MGA: variants seen among roughly 807,000 people sequenced by gnomAD.
The protein encoded by MGA is MAX dimerization protein MGA, also known as MAX gene-associated protein.
Under a neutral mutation model 261.1 loss-of-function variants are expected in MGA, and 40 were observed. That is an observed-to-expected ratio of 0.15 (90% CI 0.12 to 0.20). MGA has a LOEUF of 0.20. Ranked by LOEUF, MGA falls within the 10% of genes least tolerant of loss-of-function variation. MGA has a pLI of 1.00. For synonymous variants in MGA, 1,302 were observed against 1,290.6 expected, an observed-to-expected ratio of 1.01 and a Z score of -0.19; for missense variants, 3,397 against 3,630.5, an observed-to-expected ratio of 0.94 and a Z score of 1.65.
At chr15:41,753,764 T>TA (rs1339804869) in intron 17 of MGA, among the ~76,000 whole-genome samples, 1 of 152,174 alleles carries the variant, frequency 6.6e-6, no homozygotes, top group African/African-American at 2.4e-5. Context: ...CTTTCTATAT[T>TA]TCTTTCACCA....
intron 2 of MGA, among the ~76,000 whole-genome samples, chr15:41,686,878 A>G (rs1452964339): frequency 3.3e-5 from 5 of 152,064 alleles, no homozygotes; most frequent in Non-Finnish European, 7.4e-5. Flanking sequence ...TCAATTTGCT[A>G]ATATTTTATT....
intron 15 of MGA, 45 bp downstream of exon 15, chr15:41,743,217 A>G: frequency 2.0e-6 from 3 of 1,524,560 alleles, no homozygotes; most frequent in Non-Finnish European, 2.7e-6. Flanking sequence ...CTGTACACCT[A>G]TTTATATAAC....
At chr15:41,709,100 A>G (rs572364929) in intron 7 of MGA, among the ~76,000 whole-genome samples, 1 of 152,102 alleles carries the variant, frequency 6.6e-6, no homozygotes, top group Non-Finnish European at 1.5e-5. Flanking sequence ...ATCTACCAGC[A>G]CTTTGGGAGG....
chr15:41,746,055 T>A (rs1362016025), intron 15 of MGA, among the ~76,000 whole-genome samples: 1 of 152,214 alleles, frequency 6.6e-6, no homozygotes, highest in Non-Finnish European at 1.5e-5. Flanking sequence ...GCTTTTAAAA[T>A]TTGATTTTTC....
upstream of MGA, among the ~76,000 whole-genome samples, chr15:41,656,377 T>TCTGTCTCTCTCTCTCTCTCACA (rs1555403733): frequency 1.5e-5 from 1 of 68,276 alleles, no homozygotes; most frequent in Non-Finnish European, 3.5e-5. Flanking sequence ...TCTCTCTCTC[T>TCTGTCTCTCTCTCTCTCTCACA]CACACCCAGG....
At chr15:41,764,011 T>C (rs2063649197) in intron 22 of MGA, among the ~76,000 whole-genome samples, 1 of 151,478 alleles carries the variant, frequency 6.6e-6, no homozygotes, top group African/African-American at 2.4e-5. Context: ...ATACCAAAAT[T>C]AGCCGGATGT....
At chr15:41,681,760 T>C (rs1400952571) in intron 2 of MGA, among the ~76,000 whole-genome samples, 1 of 152,128 alleles carries the variant, frequency 6.6e-6, no homozygotes, top group Non-Finnish European at 1.5e-5. Context: ...AAATAATCCA[T>C]TTTTTTATGT....
chr15:41,718,015 A>C (rs1308120362), intron 9 of MGA, among the ~76,000 whole-genome samples: 2 of 133,550 alleles, frequency 1.5e-5, no homozygotes, highest in Non-Finnish European at 3.3e-5. Context: ...ACCCTGTCTC[A>C]AAAAAAAAAA....
At chr15:41,650,533 G>C (rs1366505576) in intron 1 of MGA, among the ~76,000 whole-genome samples, 1 of 152,084 alleles carries the variant, frequency 6.6e-6, no homozygotes, top group East Asian at 1.9e-4. Flanking sequence ...CACCTCCCTG[G>C]TTCAAGCAAT....
At chr15:41,647,017 T>C (rs1027129624) in intron 1 of MGA, among the ~76,000 whole-genome samples, 4 of 152,226 alleles carry the variant, frequency 2.6e-5, no homozygotes, top group African/African-American at 9.6e-5. Context: ...GTTATTTCCA[T>C]TGGATAAGCT....
At chr15:41,698,710 T>C (rs759883033) in intron 3 of MGA, among the ~76,000 whole-genome samples, 153 bp from the exon 4 acceptor site, 1 of 152,162 alleles carries the variant, frequency 6.6e-6, no homozygotes, top group Non-Finnish European at 1.5e-5. Flanking sequence ...TATCAAAAAG[T>C]ATGAAAAAAT....
intron 13 of MGA, 51 bp from the exon 14 acceptor site, chr15:41,739,855 T>G: frequency 1.3e-6 from 2 of 1,562,340 alleles, no homozygotes; most frequent in East Asian, 2.3e-5. Flanking sequence ...GGGAGAGGAG[T>G]TAGCAAGAGA....
chr15:41,736,957 T>C (rs1418950840), intron 13 of MGA, among the ~76,000 whole-genome samples: 1 of 152,178 alleles, frequency 6.6e-6, no homozygotes, highest in East Asian at 1.9e-4. Flanking sequence ...AAGTTGCTCT[T>C]CATAAACTTT....
chr15:41,711,695 CTTTTATT>C (rs1268648183), intron 8 of MGA, among the ~76,000 whole-genome samples: 1 of 152,010 alleles, frequency 6.6e-6, no homozygotes, highest in Admixed American at 6.6e-5. Flanking sequence ...GAAAATTGTG[CTTTTATT>C]TTTTATTTTT....
At chr15:41,638,714 A>T in intron 1 of MGA, among the ~76,000 whole-genome samples, 1 of 125,418 alleles carries the variant, frequency 8.0e-6, no homozygotes. Context: ...TTTTTGAGAC[A>T]GGGTCTTTCT....
chr15:41,728,755 G>A (rs1044853027), intron 10 of MGA, among the ~76,000 whole-genome samples: 49 of 152,104 alleles, frequency 3.2e-4, no homozygotes, highest in African/African-American at 1.1e-3. Context: ...GGGTCAGCTG[G>A]ATAGAAAATA....
At position 41,710,846 on chromosome 15, in the gene MGA, A is replaced by T; in HGVS notation, c.2581A>T (p.Ser861Cys). 2 of 1,614,002 alleles carry T rather than the reference A, an allele frequency of 1.2e-6. No individual in the cohort carries two copies. Among genetic ancestry groups the T allele is most frequent in the Non-Finnish European group, 1.7e-6 (2 of 1,179,888 alleles). The change falls in exon 8 of 24, where the codon AGT becomes TGT. Residue 861 changes from serine to cysteine, a missense_variant. Physicochemically the swap from Ser to Cys is moderately radical, Grantham distance 112. Around this residue, in one of 9 missense-constraint regions of MGA, gnomAD observed 519 missense variants for 554.1 expected, o/e 0.94. Coordinates refer to ENST00000219905, the MANE Select transcript of MGA (RefSeq NM_001164273.2). ...TGTGGTGTACCAGCTTCCCACTAAG[A>T]GTACCAGTTATGTACGAACACTTGA...
Position 41,712,841 on chromosome 15 carries a change from T to C in MGA, c.3085-310T>C, listed in dbSNP as rs79533706. On this transcript the variant is annotated intron_variant, in intron 8 of 23. Coordinates refer to ENST00000219905, the MANE Select transcript of MGA (RefSeq NM_001164273.2). Reference sequence around the variant, plus strand: ...GCCTGGTTGCGTTCCAGTGAAACTTTATGACACAGGCTGGATTTGGCCCAT... The same window carrying C: ...GCCTGGTTGCGTTCCAGTGAAACTTCATGACACAGGCTGGATTTGGCCCAT... Among the ~76,000 whole-genome samples the C allele has an allele frequency of 6.5e-3, 990 of 152,336 alleles. 4 individuals are homozygous for C. Among genetic ancestry groups the C allele is most frequent in the Middle Eastern group, 0.044 (13 of 294 alleles).
chr15:41,754,591 T>C, intron 18 of MGA, 24 bp downstream of exon 18: 1 of 1,527,030 alleles, frequency 6.5e-7, no homozygotes, highest in Non-Finnish European at 8.8e-7. Flanking sequence ...CTCTTTGGAT[T>C]GTTGTTTTTG....
Sources: gnomAD v4.1 joint callset for allele counts (sites outside exome capture counted in the v4.1 genomes callset) on GRCh38, gnomAD v4.1.1 for gene constraint, gnomAD v4.1.1 regional missense constraint, MANE v1.5 for transcripts, NCBI Gene and HGNC (gene_info 2026-07-23, HGNC 2026-07-21) for gene names.